Variants in CDK6 observed in about 807,000 individuals in gnomAD.
The protein encoded by CDK6 is cyclin dependent kinase 6, also known as cyclin-dependent kinase 6.
A neutral mutation model predicts 37.1 loss-of-function variants in CDK6; 6 were observed. The ratio of observed to expected loss-of-function variants is 0.16; its 90% CI spans 0.09 to 0.32. CDK6 has a LOEUF of 0.32. Among genes scored for constraint, CDK6 ranks in the 10% least tolerant of loss-of-function variants. The pLI is 1.00. For synonymous variants in CDK6, 160 were observed against 161.3 expected (o/e 0.99, Z 0.06); for missense variants, 224 against 418.9 (o/e 0.53, Z 4.06).
chr7:92,709,455 A>AC (rs759188330), intron 4 of CDK6, among the ~76,000 whole-genome samples: 19 of 152,074 alleles, frequency 1.2e-4, no homozygotes, highest in Non-Finnish European at 2.5e-4. Context: ...CCTAGATCTA[A>AC]CAATGCTTGT....
At position 92,607,864 on chromosome 7, in the gene CDK6, T is replaced by C. The variant is rs956779780; in HGVS notation, c.*7276A>G. On this transcript the variant is annotated 3_prime_UTR_variant, in exon 8 of 8. Transcript: ENST00000424848. ...ACTATGATATACATGTGTATATTTT[T>C]GCAAACACAGGATCAGAATGAAAAG... The C allele has an allele frequency of 4.3e-6, 1 of 233,332 alleles. No individual in the cohort carries two copies. Among genetic ancestry groups the C allele is most frequent in the African/African-American group, 2.2e-5 (1 of 45,352 alleles). 14.5% of individuals were successfully genotyped at this position (233,332 alleles called of 1,614,324 possible). A position where few individuals can be genotyped will look rare whatever the true frequency, so the allele number is the denominator to read the frequency against.
rs375640929 is a variant in CDK6, at chr7:92,811,136, A to G, written c.233+21955T>C. Among the ~76,000 whole-genome samples, 40 of 152,182 alleles carry G rather than the reference A, an allele frequency of 2.6e-4. 1 individual carries two copies. Among genetic ancestry groups the G allele is most frequent in the East Asian group, 1.5e-3 (8 of 5,204 alleles). On this transcript the variant is annotated intron_variant, in intron 2 of 7. Coordinates refer to ENST00000424848, the MANE Select transcript of CDK6 (RefSeq NM_001145306.2). Reference sequence around the variant, plus strand: ...AGAAAGAAAATTTGAAGTAACATAAATAATCAGTACCCAGCATTTTCTCAT... The same window carrying G: ...AGAAAGAAAATTTGAAGTAACATAAGTAATCAGTACCCAGCATTTTCTCAT...
intron 4 of CDK6, among the ~76,000 whole-genome samples, chr7:92,692,230 C>A (rs1405004887): frequency 6.6e-6 from 1 of 151,866 alleles, no homozygotes; most frequent in Admixed American, 6.6e-5. Context: ...CACACCATTG[C>A]ACTCCAGCCT....
At chr7:92,731,788 C>T (rs1417035544) in intron 3 of CDK6, among the ~76,000 whole-genome samples, 1 of 151,856 alleles carries the variant, frequency 6.6e-6, no homozygotes, top group Non-Finnish European at 1.5e-5. Flanking sequence ...TTCCACCAAG[C>T]CTGAAAATGT....
intron 3 of CDK6, among the ~76,000 whole-genome samples, chr7:92,749,855 T>C (rs1047934374): frequency 1.3e-5 from 2 of 152,218 alleles, no homozygotes; most frequent in African/African-American, 4.8e-5. Context: ...ATAACTTTGA[T>C]AGTGCATAGT....
chr7:92,672,785 C>G lies in CDK6; in HGVS notation c.538-1250G>C, dbSNP rs576700990. On this transcript the variant is annotated intron_variant, in intron 4 of 7. Transcript: ENST00000424848. ...TAGTTGTATTATTATGGATGTCTAT[C>G]TAAATTTTCTAAAATTCTGCTTTAT... Among the ~76,000 whole-genome samples the G allele has an allele frequency of 2.6e-5, 4 of 152,270 alleles. No homozygotes were observed. In the South Asian group the frequency reaches 6.2e-4, roughly 24 times the overall value.
Position 92,610,217 on chromosome 7 carries a change from A to G in CDK6, c.*4923T>C, listed in dbSNP as rs42035. On this transcript the variant is annotated 3_prime_UTR_variant, in exon 8 of 8. Transcript: ENST00000424848. ...CACATCAACTTCAAATTGCTGTAAC[A>G]GTATTTCAGCAGATGCTCGAAAAGA... 46,991 of 231,998 alleles carry G rather than the reference A, an allele frequency of 0.2. 5,451 individuals carry two copies. Among genetic ancestry groups the G allele is most frequent in the Middle Eastern group, 0.26 (200 of 780 alleles). 14.4% of individuals were successfully genotyped at this position (231,998 alleles called of 1,614,324 possible).
intron 2 of CDK6, among the ~76,000 whole-genome samples, chr7:92,829,424 A>G (rs1379656346): frequency 1.3e-5 from 2 of 152,222 alleles, no homozygotes; most frequent in Admixed American, 1.3e-4. Context: ...ACAGGTAAGC[A>G]CTGGCTTGTA....
chr7:92,685,224 T>C (rs1221718070), intron 4 of CDK6, among the ~76,000 whole-genome samples: 3 of 152,220 alleles, frequency 2.0e-5, no homozygotes, highest in Non-Finnish European at 4.4e-5. Context: ...ATTGTCTCAG[T>C]TTCTAGGAAG....
intron 3 of CDK6, among the ~76,000 whole-genome samples, chr7:92,729,698 C>T (rs1016135351): frequency 6.6e-5 from 10 of 152,146 alleles, no homozygotes; most frequent in Non-Finnish European, 1.2e-4. Context: ...AACTAAAAAA[C>T]GACTTCAGGC....
intron 5 of CDK6, among the ~76,000 whole-genome samples, chr7:92,645,482 T>A (rs1183287314): frequency 6.6e-6 from 1 of 152,214 alleles, no homozygotes; most frequent in East Asian, 1.9e-4. Context: ...GTGCACATGA[T>A]AATAAGATTT....
intron 5 of CDK6, among the ~76,000 whole-genome samples, chr7:92,638,606 A>C (rs894579047): frequency 2.4e-4 from 36 of 152,154 alleles, no homozygotes; most frequent in African/African-American, 8.7e-4. Flanking sequence ...TCTGCCATTG[A>C]CCGGCTGTGA....
chr7:92,643,792 CACTT>C (rs1225288534), intron 5 of CDK6, among the ~76,000 whole-genome samples: 2 of 152,196 alleles, frequency 1.3e-5, no homozygotes, highest in African/African-American at 4.8e-5. Context: ...ATAAATGGGA[CACTT>C]ACTATTCAGT....
At chr7:92,616,256 C>A (rs1795675032) in intron 7 of CDK6, among the ~76,000 whole-genome samples, 2 of 152,130 alleles carry the variant, frequency 1.3e-5, no homozygotes, top group South Asian at 2.1e-4. Flanking sequence ...GTCTGCATAA[C>A]CATGATATTA....
intron 2 of CDK6, among the ~76,000 whole-genome samples, chr7:92,830,164 G>A (rs1187122585): frequency 6.6e-6 from 1 of 152,160 alleles, no homozygotes; most frequent in East Asian, 1.9e-4. Context: ...TGTAAAAAAA[G>A]AGTAAATTTA....
At chr7:92,714,205 C>T (rs529238456) in intron 4 of CDK6, among the ~76,000 whole-genome samples, 1 of 152,224 alleles carries the variant, frequency 6.6e-6, no homozygotes, top group South Asian at 2.1e-4. Flanking sequence ...GGGAGTTGGG[C>T]AGACTTCAGA....
chr7:92,742,400 A>G (rs1798945192), intron 3 of CDK6, among the ~76,000 whole-genome samples: 1 of 152,218 alleles, frequency 6.6e-6, no homozygotes, highest in South Asian at 2.1e-4. Flanking sequence ...TAAGCAGGCA[A>G]CTTTTTAGCA....
intron 4 of CDK6, among the ~76,000 whole-genome samples, chr7:92,678,664 TTA>T (rs1289153132): frequency 2.0e-5 from 3 of 152,220 alleles, no homozygotes; most frequent in African/African-American, 4.8e-5. Flanking sequence ...AAATTAGATG[TTA>T]TCTGATTCAT....
At chr7:92,787,713 G>C (rs1032470225) in intron 2 of CDK6, among the ~76,000 whole-genome samples, 1 of 151,990 alleles carries the variant, frequency 6.6e-6, no homozygotes, top group African/African-American at 2.4e-5. Flanking sequence ...CTGATACTTG[G>C]TGAAAAAGGT....
Sources: allele counts gnomAD v4.1 joint callset (sites outside exome capture counted in the v4.1 genomes callset), GRCh38; gene constraint gnomAD v4.1.1; transcripts MANE v1.5; gene names NCBI Gene and HGNC (gene_info 2026-07-23, HGNC 2026-07-21).